Variants in MYH10 observed in about 807,000 individuals in gnomAD.
The protein encoded by MYH10 is myosin heavy chain 10.
Under a neutral mutation model 257.8 loss-of-function variants are expected in MYH10, and 55 were observed. The observed-to-expected ratio is 0.21, with a 90% CI of 0.17 to 0.27. The LOEUF (loss-of-function observed/expected upper bound fraction) is 0.27, where lower values mean the gene tolerates loss of function less well. Ranked by LOEUF, MYH10 falls within the 10% of genes least tolerant of loss-of-function variation. MYH10 has a pLI of 1.00. For missense variants in MYH10, 1,631 were observed against 2,500.6 expected (o/e 0.65, Z 7.42); for synonymous variants, 854 against 921.7 (o/e 0.93, Z 1.33).
At chr17:8,523,151 A>G (rs146268903) in intron 17 of MYH10, among the ~76,000 whole-genome samples, 7 of 152,206 alleles carry the variant, frequency 4.6e-5, no homozygotes, top group African/African-American at 1.4e-4. Flanking sequence ...TATGACTCTA[A>G]CTAGATATAC....
intron 4 of MYH10, among the ~76,000 whole-genome samples, chr17:8,578,416 G>T (rs932121148): frequency 2.6e-5 from 4 of 151,828 alleles, no homozygotes; most frequent in African/African-American, 7.3e-5. Context: ...CTAAGTTTTT[G>T]TATTTTTAGT....
Position 8,477,913 on chromosome 17 carries a change from C to T in MYH10, c.5706+425G>A, listed in dbSNP as rs933733820. ...CTGGATGCAGACGCTGAAGCTCACTCGGGTGCAGCGTGCAGTACCTTTGTC... is the reference window on the plus strand; with the variant it reads ...CTGGATGCAGACGCTGAAGCTCACTTGGGTGCAGCGTGCAGTACCTTTGTC... On this transcript the variant is annotated intron_variant, in intron 41 of 42. Coordinates refer to ENST00000360416, the MANE Select transcript of MYH10 (RefSeq NM_001256012.3). The surrounding 1 kb of genome is among the most constrained non-coding windows in gnomAD (Gnocchi z 4.2). Among the ~76,000 whole-genome samples the T allele has an allele frequency of 6.6e-6, 1 of 152,194 alleles. No homozygotes were observed. The highest frequency in any genetic ancestry group is 2.4e-5 in the African/African-American group (1 of 41,454).
chr17:8,615,454 G>A (rs1489176162), intron 2 of MYH10, among the ~76,000 whole-genome samples: 5 of 152,100 alleles, frequency 3.3e-5, no homozygotes, highest in Non-Finnish European at 1.5e-5. Flanking sequence ...GATATAACCA[G>A]CATAATCTTG....
At chr17:8,484,483 A>G (rs1231233136) in intron 36 of MYH10, among the ~76,000 whole-genome samples, 1 of 152,216 alleles carries the variant, frequency 6.6e-6, no homozygotes, top group Non-Finnish European at 1.5e-5. Flanking sequence ...AGTAATATAC[A>G]TTCATTGTAA....
rs2081015695 is a variant in MYH10, at chr17:8,504,631, T to A, written c.3599+63A>T. ...AAAGATAGCAAGCACACCAGGCATT[T>A]CTGCACGGGCTCGGTGGAGAGGTCG... is the stretch of plus-strand genomic sequence containing the variant. On this transcript the variant is annotated intron_variant, in intron 28 of 42. Coordinates refer to ENST00000360416, the MANE Select transcript of MYH10 (RefSeq NM_001256012.3). The surrounding 1 kb of genome is among the most constrained non-coding windows in gnomAD (Gnocchi z 5.6). The A allele has an allele frequency of 6.2e-6, 9 of 1,454,716 alleles. No homozygotes were observed. The Admixed American group carries it at 1.3e-4, about 21-fold the overall frequency. The allele number at this position is 1,454,716 out of a possible 1,614,324, so 90.1% of individuals were successfully genotyped here.
In MYH10 at chr17:8,506,117, T is replaced by A; in HGVS notation, c.3386+201A>T. 1 of 481,118 alleles carries A rather than the reference T, an allele frequency of 2.1e-6. No homozygotes were observed. Among genetic ancestry groups the A allele is most frequent in the Non-Finnish European group, 3.6e-6 (1 of 279,084 alleles). The allele number at this position is 481,118 out of a possible 1,614,324, so 29.8% of individuals were successfully genotyped here. A position where few individuals can be genotyped will look rare whatever the true frequency, so the allele number is the denominator to read the frequency against. On this transcript the variant is annotated intron_variant, in intron 27 of 42. Coordinates refer to ENST00000360416, the MANE Select transcript of MYH10 (RefSeq NM_001256012.3). This position sits in a 1 kb window ranked among gnomAD's most constrained non-coding sequence, Gnocchi z 5.0. ...ATAATTTGTCATTTTAAAGTATAAA[T>A]ATTGAGATGGTTTATGAGACTTTCT...
intron 28 of MYH10, among the ~76,000 whole-genome samples, chr17:8,503,147 G>A (rs952791401): frequency 2.0e-5 from 3 of 152,296 alleles, no homozygotes; most frequent in Admixed American, 1.3e-4. Context: ...GCCGGGCGTG[G>A]TGGCACATGC....
At chr17:8,561,873 A>G (rs997964785) in intron 7 of MYH10, among the ~76,000 whole-genome samples, 1 of 152,148 alleles carries the variant, frequency 6.6e-6, no homozygotes, top group Admixed American at 6.5e-5. Context: ...CTAGATGCAA[A>G]GGGCCAAGCA....
intron 2 of MYH10, 24 bp from the exon 3 acceptor site, chr17:8,605,006 A>AT: frequency 7.8e-7 from 1 of 1,289,360 alleles, no homozygotes; most frequent in Admixed American, 2.6e-5. Flanking sequence ...AAAATAGAGT[A>AT]TTAAAAAAAA....
chr17:8,608,590 A>G (rs1431036540), intron 2 of MYH10, among the ~76,000 whole-genome samples: 2 of 152,242 alleles, frequency 1.3e-5, no homozygotes, highest in African/African-American at 4.8e-5. Context: ...TTGGATTGCC[A>G]GAGCCTTGGG....
chr17:8,495,109 T>A, intron 31 of MYH10, 28 bp downstream of exon 31: 5 of 1,351,752 alleles, frequency 3.7e-6, no homozygotes, highest in Non-Finnish European at 5.3e-6. Flanking sequence ...TTAGTTATTA[T>A]AAAGACCCCT....
intron 2 of MYH10, among the ~76,000 whole-genome samples, chr17:8,617,788 A>C (rs899332759): frequency 6.6e-6 from 1 of 152,238 alleles, no homozygotes; most frequent in African/African-American, 2.4e-5. Context: ...ACTATATTCC[A>C]ACAAAAATGA....
At chr17:8,584,913 A>G (rs1406771052) in intron 4 of MYH10, among the ~76,000 whole-genome samples, 2 of 152,030 alleles carry the variant, frequency 1.3e-5, no homozygotes, top group Non-Finnish European at 2.9e-5. Context: ...GCGCAATCTC[A>G]GCTCACCACA....
chr17:8,521,546 G>T, intron 17 of MYH10: 1 of 470,028 alleles, frequency 2.1e-6, no homozygotes. Flanking sequence ...GCTAGTTTCA[G>T]GAATTCACTG....
At position 8,508,496 on chromosome 17, in the gene MYH10, G is replaced by T. The variant is rs184269249; in HGVS notation, c.3214+58C>A. 6.8e-5 allele frequency: 109 copies of T among 1,605,654 alleles called. 1 individual carries two copies. In the African/African-American group the frequency reaches 1.1e-3, roughly 16 times the overall value. On this transcript the variant is annotated intron_variant, in intron 26 of 42. Transcript: ENST00000360416. ...TTTATTTTTGCATGTTCTGATTACA[G>T]TAAAAGCTAAACACTCACATGTCCT...
intron 35 of MYH10, among the ~76,000 whole-genome samples, chr17:8,488,813 G>A (rs1002989337): frequency 2.0e-5 from 3 of 152,148 alleles, no homozygotes; most frequent in Non-Finnish European, 4.4e-5. Context: ...GTGTTCTGCA[G>A]AGACCTGGGG....
At chr17:8,630,320 G>A (rs2085865935) in intron 1 of MYH10, among the ~76,000 whole-genome samples, 1 of 131,096 alleles carries the variant, frequency 7.6e-6, no homozygotes, top group Non-Finnish European at 1.6e-5. Flanking sequence ...CCATCCCCCA[G>A]CCCCCCAGGG....
chr17:8,521,200 A>G lies in MYH10; in HGVS notation c.2043T>C (p.Phe681=). Residue 681 remains phenylalanine (F), a synonymous_variant, in exon 18 of 43, where the codon TTT becomes TTC. Coordinates refer to ENST00000360416, the MANE Select transcript of MYH10 (RefSeq NM_001256012.3). ...GSAYKTKKGM[F]RTVGQLYKES... is the part of the protein sequence containing the mutation. ...CTTTGTAGAGTTGCCCAACGGTACG[A>G]AACATGCCCTTCTTGGTTTTATATG... is the stretch of plus-strand genomic sequence containing the variant. 5.0e-6 allele frequency: 8 copies of G among 1,614,254 alleles called. No individual in the cohort carries two copies. The highest frequency in any genetic ancestry group is 6.8e-6 in the Non-Finnish European group (8 of 1,180,052).
At chr17:8,617,272 TG>T (rs1188029049) in intron 2 of MYH10, among the ~76,000 whole-genome samples, 1 of 152,156 alleles carries the variant, frequency 6.6e-6, no homozygotes, top group East Asian at 1.9e-4. Context: ...CACCATGAGC[TG>T]CCTTTCATGC....
Sources: gnomAD v4.1 joint callset for allele counts (sites outside exome capture counted in the v4.1 genomes callset) on GRCh38, gnomAD v4.1.1 for gene constraint, Gnocchi (gnomAD v3.1) non-coding constraint, MANE v1.5 for transcripts, NCBI Gene and HGNC (gene_info 2026-07-23, HGNC 2026-07-21) for gene names.